PEBP4: variants seen among roughly 807,000 people sequenced by gnomAD.
PEBP4 encodes the protein phosphatidylethanolamine binding protein 4.
Under a neutral mutation model 23.9 loss-of-function variants are expected in PEBP4, and 22 were observed. The observed-to-expected ratio is 0.92, with a 90% CI of 0.66 to 1.31. The LOEUF is 1.31. Ranked by LOEUF, PEBP4 falls within the 40% of genes most tolerant of loss-of-function variation. The pLI is 0.00. For missense variants in PEBP4, 324 were observed against 281.7 expected (o/e 1.15, Z -1.07); for synonymous variants, 112 against 99.3 (o/e 1.13, Z -0.76).
intron 3 of PEBP4, chr8:22,887,927 G>A (rs1055832707): frequency 1.3e-5 from 2 of 152,176 alleles, no homozygotes; most frequent in African/African-American, 4.8e-5. Context: ...AGGGAGGTTA[G>A]CTTTTCACTG....
At chr8:22,732,188 C>G (rs1309445523) in intron 4 of PEBP4, among the ~76,000 whole-genome samples, 2 of 152,026 alleles carry the variant, frequency 1.3e-5, no homozygotes, top group Non-Finnish European at 2.9e-5. Context: ...GAAGGCAATT[C>G]TTCCTCATCA....
intron 3 of PEBP4, among the ~76,000 whole-genome samples, chr8:22,918,974 C>G (rs533518555): frequency 3.9e-4 from 60 of 151,920 alleles, no homozygotes; most frequent in African/African-American, 1.4e-3. Flanking sequence ...TGCTCGTCTT[C>G]CCAAAGGAAA....
chr8:22,813,071 T>C (rs1806665972), intron 4 of PEBP4, among the ~76,000 whole-genome samples: 1 of 152,182 alleles, frequency 6.6e-6, no homozygotes, highest in African/African-American at 2.4e-5. Flanking sequence ...TCTTGCCCTG[T>C]TTATTGGATT....
intron 4 of PEBP4, among the ~76,000 whole-genome samples, chr8:22,803,397 G>A (rs763838786): frequency 2.6e-5 from 4 of 152,150 alleles, no homozygotes; most frequent in Non-Finnish European, 4.4e-5. Context: ...GCTGGGCACG[G>A]TGGCTCACAC....
At chr8:22,719,695 C>T (rs1174251157) in intron 6 of PEBP4, among the ~76,000 whole-genome samples, 1 of 152,172 alleles carries the variant, frequency 6.6e-6, no homozygotes, top group Non-Finnish European at 1.5e-5. Context: ...GTAAGTCATG[C>T]CACTCACTGT....
chr8:22,791,059 A>C (rs1806126847), intron 4 of PEBP4, among the ~76,000 whole-genome samples: 1 of 152,142 alleles, frequency 6.6e-6, no homozygotes, highest in African/African-American at 2.4e-5. Flanking sequence ...GACCAGATGA[A>C]TAGAGATCTA....
chr8:22,851,452 T>C (rs1435811828), intron 3 of PEBP4, among the ~76,000 whole-genome samples: 1 of 152,164 alleles, frequency 6.6e-6, no homozygotes, highest in Non-Finnish European at 1.5e-5. Context: ...ATTTTGGAAC[T>C]AGATGATGAG....
chr8:22,940,557 T>C (rs1350067713), intron 1 of PEBP4, among the ~76,000 whole-genome samples: 1 of 135,336 alleles, frequency 7.4e-6, no homozygotes, highest in African/African-American at 2.9e-5. Context: ...AGCACAATCA[T>C]GGCTCACAGC....
rs10680983 is a variant in PEBP4 at position 22,725,999 on chromosome 8, ATGTGTGTGTGTG to A, written c.404-1055_404-1044del. ...CATTTTTGGATCGCAGATCAGATAT[ATGTGTGTGTGTG>A]TGTGTGTGTGTGTGTGTGTGCACGC... On this transcript the variant is annotated intron_variant, in intron 5 of 6. Transcript: ENST00000256404. Among the ~76,000 whole-genome samples, 557 of 146,442 alleles carry A rather than the reference ATGTGTGTGTGTG, an allele frequency of 3.8e-3. 2 individuals are homozygous for A. The highest frequency in any genetic ancestry group is 0.013 in the African/African-American group (520 of 39,670).
chr8:22,870,351 T>G (rs1807983705), intron 3 of PEBP4, among the ~76,000 whole-genome samples: 1 of 152,190 alleles, frequency 6.6e-6, no homozygotes, highest in Non-Finnish European at 1.5e-5. Context: ...TTACATGCGG[T>G]AGGATCCTAA....
chr8:22,873,348 G>T (rs990335477), intron 3 of PEBP4, among the ~76,000 whole-genome samples: 3 of 152,124 alleles, frequency 2.0e-5, no homozygotes, highest in Non-Finnish European at 4.4e-5. Context: ...AACCATGCTG[G>T]CCAGGCACAG....
intron 6 of PEBP4, among the ~76,000 whole-genome samples, chr8:22,722,917 C>T (rs1653299261): frequency 1.3e-5 from 2 of 150,992 alleles, no homozygotes; most frequent in Admixed American, 6.6e-5. Flanking sequence ...GGACTATAGG[C>T]GCCCACCGCC....
At chr8:22,773,723 G>T (rs966754383) in intron 4 of PEBP4, among the ~76,000 whole-genome samples, 1 of 152,152 alleles carries the variant, frequency 6.6e-6, no homozygotes, top group South Asian at 2.1e-4. Flanking sequence ...GGGAGCGGGT[G>T]GGGGCTGAGC....
At chr8:22,768,088 G>T (rs191436787) in intron 4 of PEBP4, among the ~76,000 whole-genome samples, 1 of 152,114 alleles carries the variant, frequency 6.6e-6, no homozygotes, top group East Asian at 1.9e-4. Context: ...ACCTATAAAG[G>T]GTTTTCCTAT....
intron 3 of PEBP4, among the ~76,000 whole-genome samples, chr8:22,851,761 A>C (rs1382058753): frequency 1.3e-5 from 2 of 152,144 alleles, no homozygotes; most frequent in East Asian, 1.9e-4. Context: ...CTTGGGGGGA[A>C]GAGGGAGTGT....
intron 4 of PEBP4, among the ~76,000 whole-genome samples, chr8:22,796,470 G>T (rs892170711): frequency 1.3e-5 from 2 of 152,182 alleles, no homozygotes; most frequent in African/African-American, 4.8e-5. Flanking sequence ...ATTGTCAACA[G>T]TGCAATCAGT....
intron 3 of PEBP4, among the ~76,000 whole-genome samples, chr8:22,906,799 G>A (rs1585336501): frequency 1.3e-5 from 2 of 152,190 alleles, no homozygotes; most frequent in Non-Finnish European, 2.9e-5. Flanking sequence ...ATGCACCAGT[G>A]AATAAACCAG....
At chr8:22,866,238 C>A (rs982522332) in intron 3 of PEBP4, among the ~76,000 whole-genome samples, 6 of 152,196 alleles carry the variant, frequency 3.9e-5, no homozygotes, top group Admixed American at 1.3e-4. Context: ...ATATGTACGA[C>A]ACAAGGCCAC....
rs561103576 is a variant in PEBP4, at chr8:22,876,276, C to A, written c.258+43908G>T. 2.0e-5 allele frequency among the ~76,000 whole-genome samples: 3 copies of A among 152,296 alleles called. No individual in the cohort carries two copies. The East Asian group carries it at 5.8e-4, about 29-fold the overall frequency. ...ACCGCAGCTGCTAACACGTACCATG[C>A]GTACAACGGTGGCGTGTCTACTGGC... On this transcript the variant is annotated intron_variant, in intron 3 of 6. Coordinates refer to ENST00000256404, the MANE Select transcript of PEBP4 (RefSeq NM_144962.3).
Sources: allele counts gnomAD v4.1 joint callset (sites outside exome capture counted in the v4.1 genomes callset), GRCh38; gene constraint gnomAD v4.1.1; transcripts MANE v1.5; gene names NCBI Gene and HGNC (gene_info 2026-07-23, HGNC 2026-07-21).